The following SNAPC2 variants were observed in gnomAD, a reference collection of about 807,000 sequenced individuals.
SNAPC2 encodes small nuclear RNA activating complex polypeptide 2, also known as snRNA-activating protein complex subunit 2.
Under a neutral mutation model 22.9 loss-of-function variants are expected in SNAPC2, and 27 were observed. The observed-to-expected ratio is 1.18, with a 90% CI of 0.87 to 1.63. The LOEUF (loss-of-function observed/expected upper bound fraction) is 1.63. Ranked by LOEUF, SNAPC2 falls within the 40% of genes most tolerant of loss-of-function variation. SNAPC2 has a pLI of 0.00. For missense variants in SNAPC2, 570 were observed against 449.1 expected (o/e 1.27, Z -2.43); for synonymous variants, 272 against 201.0 (o/e 1.35, Z -2.99).
In SNAPC2 at chr19:7,922,041, A is replaced by G. The variant is rs929065703; in HGVS notation, c.379A>G (p.Thr127Ala). Residue 127 changes from threonine to alanine, a missense_variant, in exon 4 of 5, where the codon ACC (threonine) becomes GCC (alanine). Physicochemically the swap from Thr to Ala is moderately conservative, Grantham distance 58 (BLOSUM62 0). Transcript: ENST00000221573. ...TGATTGTTCTGCCTGCCAGGTGCTC[A>G]CCATCGCGGCCACGGAACCGGTCAC... is the stretch of plus-strand genomic sequence containing the variant. The part of the protein sequence containing the change: ...ALAVAFSQVL[T>A]IAATEPVTLL... The G allele has an allele frequency of 6.2e-7, 1 of 1,606,654 alleles. No individual in the cohort carries two copies. Among genetic ancestry groups the G allele is most frequent in the Non-Finnish European group, 8.5e-7 (1 of 1,175,134 alleles).
rs1983632026 is a variant in SNAPC2 at position 7,922,782 on chromosome 19, A to AG, written c.*20dup. The stretch of plus-strand genomic sequence containing the variant: ...CCAGGTGAGGGGCATGGCGGGCAGG[A>AG]GGCCACACCAGGCCCCCCGCCCTGC... On this transcript the variant is annotated 3_prime_UTR_variant, in exon 5 of 5. Transcript: ENST00000221573. 4.6e-6 allele frequency: 7 copies of AG among 1,530,014 alleles called. 1 individual carries two copies. The South Asian group carries it at 8.5e-5, about 19-fold the overall frequency. The allele number at this position is 1,530,014 out of a possible 1,614,324, so 94.8% of individuals were successfully genotyped here. A position where few individuals can be genotyped will look rare whatever the true frequency, so the allele number is the denominator to read the frequency against.
At chr19:7,920,594 TG>T in intron 1 of SNAPC2, 45 bp downstream of exon 1, 1 of 161,260 alleles carries the variant, frequency 6.2e-6, no homozygotes, top group South Asian at 1.5e-4. Context: ...GAGGCGGGGC[TG>T]GGGTGGGGCG....
At chr19:7,921,208 C>A in intron 1 of SNAPC2, 1 of 1,413,000 alleles carries the variant, frequency 7.1e-7, no homozygotes, top group Non-Finnish European at 9.3e-7. Flanking sequence ...CGTGAAGGAG[C>A]CGGAACTGGC....
intron 1 of SNAPC2, chr19:7,921,149 G>A: frequency 7.3e-7 from 1 of 1,376,338 alleles, no homozygotes; most frequent in Non-Finnish European, 9.4e-7. Flanking sequence ...AGGGGACGAA[G>A]AAGGGAGTTG....
rs1240452768 is a variant in SNAPC2, at chr19:7,922,231, C to T, written c.569C>T (p.Ser190Phe). Residue 190 changes from serine to phenylalanine, a missense_variant, in exon 4 of 5, where the codon TCT (serine) becomes TTT (phenylalanine). Coordinates refer to ENST00000221573, the MANE Select transcript of SNAPC2 (RefSeq NM_003083.4). ...CCTGACCCTGCCCCTGAGAAACCTT[C>T]TGAGTCGTCGGCTGGTCCCTCCACT... ...RTPDPAPEKP[S>F]ESSAGPSTEE... 2.5e-6 allele frequency: 4 copies of T among 1,614,126 alleles called. No homozygotes were observed. Among genetic ancestry groups the T allele is most frequent in the Admixed American group, 1.7e-5 (1 of 60,022 alleles).
chr19:7,922,673 A>G lies in SNAPC2; in HGVS notation c.914A>G (p.Lys305Arg), dbSNP rs1407973294. Residue 305 changes from lysine to arginine, a missense_variant, in exon 5 of 5, where the codon AAA becomes AGA. Transcript: ENST00000221573. ...GAGAAGGCCGAGCACAGCGAACTGA[A>G]ATCGCCTTGGCAAGCAGCTGGGATC... ...ATEKAEHSEL[K>R]SPWQAAGICP... 1 of 1,613,370 alleles carries G rather than the reference A, an allele frequency of 6.2e-7. No individual in the cohort carries two copies. Among genetic ancestry groups the G allele is most frequent in the Non-Finnish European group, 8.5e-7 (1 of 1,179,920 alleles).
intron 1 of SNAPC2, chr19:7,921,126 G>A: frequency 2.3e-6 from 3 of 1,329,330 alleles, no homozygotes; most frequent in Non-Finnish European, 2.9e-6. Context: ...TGAAGTGAGA[G>A]GGAATAGAGA....
chr19:7,922,405 C>T, intron 4 of SNAPC2, 40 bp from the exon 5 acceptor site: 2 of 1,585,296 alleles, frequency 1.3e-6, no homozygotes, highest in South Asian at 1.2e-5. Flanking sequence ...TGGCAGCAGG[C>T]AGGGGTGTCC....
In SNAPC2 at chr19:7,923,111, C is replaced by A. The variant is rs1004584633; in HGVS notation, c.*347C>A. 1.1e-5 allele frequency: 3 copies of A among 277,668 alleles called. No individual in the cohort carries two copies. Among genetic ancestry groups the A allele is most frequent in the Admixed American group, 5.3e-5 (1 of 18,966 alleles). 17.2% of individuals were successfully genotyped at this position (277,668 alleles called of 1,614,324 possible). On this transcript the variant is annotated 3_prime_UTR_variant, in exon 5 of 5. Coordinates refer to ENST00000221573, the MANE Select transcript of SNAPC2 (RefSeq NM_003083.4). The stretch of plus-strand genomic sequence containing the variant: ...CACCGTAAAGGCCCTCGCACATTTT[C>A]CCCCTTCCTGTACACCTCGGGGCCA...
intron 2 of SNAPC2, 81 bp downstream of exon 2, chr19:7,921,623 G>GA: frequency 5.0e-6 from 8 of 1,605,904 alleles, no homozygotes; most frequent in Middle Eastern, 1.7e-4. Flanking sequence ...AACCTGATTA[G>GA]GGGATCCCCA....
chr19:7,920,545 C>G lies in SNAPC2; in HGVS notation c.179C>G (p.Ala60Gly), dbSNP rs1195271537. ...CGGGAGCTGCGGGGCCGGAGCGAGG[C>G]TGAGGTGAGATGCGGTTCTCGGGAC... ...LARELRGRSEAEIRVFLQQLK... is the reference protein window; with the variant it reads ...LARELRGRSEGEIRVFLQQLK... Residue 60 changes from alanine (A) to glycine (G), a missense_variant, in exon 1 of 5, where the codon GCT becomes GGT. Coordinates refer to ENST00000221573, the MANE Select transcript of SNAPC2 (RefSeq NM_003083.4). 7.2e-7 allele frequency: 1 copy of G among 1,384,594 alleles called. No individual in the cohort carries two copies. The allele number at this position is 1,384,594 out of a possible 1,614,324, so 85.8% of individuals were successfully genotyped here.
Position 7,921,654 on chromosome 19 carries a change from G to A in SNAPC2, c.304-51G>A, listed in dbSNP as rs535660439. 3.0e-5 allele frequency: 49 copies of A among 1,607,786 alleles called. No individual in the cohort carries two copies. The South Asian group carries it at 5.0e-4, about 16-fold the overall frequency. ...CCCCAGGAGGAGCAGGGCTTGGGGG[G>A]CCATTGCAGGCTGATCCCTGGGCTG... On this transcript the variant is annotated intron_variant, in intron 2 of 4. Transcript: ENST00000221573.
chr19:7,921,043 G>A (rs1983550652), intron 1 of SNAPC2: 2 of 1,162,450 alleles, frequency 1.7e-6, no homozygotes, highest in Admixed American at 4.5e-5. Flanking sequence ...CTAAACGGGC[G>A]GAATGAACTG....
Position 7,920,568 on chromosome 19 carries a change from G to C in SNAPC2, c.183+19G>C. 8.4e-7 allele frequency: 1 copy of C among 1,183,880 alleles called. No individual in the cohort carries two copies. Among genetic ancestry groups the C allele is most frequent in the Non-Finnish European group, 1.1e-6 (1 of 914,744 alleles). 73.3% of individuals were successfully genotyped at this position (1,183,880 alleles called of 1,614,324 possible). A position where few individuals can be genotyped will look rare whatever the true frequency, so the allele number is the denominator to read the frequency against. On this transcript the variant is annotated intron_variant, in intron 1 of 4. Transcript: ENST00000221573. ...GGCTGAGGTGAGATGCGGTTCTCGG[G>C]ACCGGAGCCAGGCTGGAGGCGGGGC... is the stretch of plus-strand genomic sequence containing the variant.
intron 2 of SNAPC2, 73 bp downstream of exon 2, chr19:7,921,615 C>A (rs1983574300): frequency 6.2e-7 from 1 of 1,604,326 alleles, no homozygotes; most frequent in African/African-American, 1.3e-5. Flanking sequence ...CGGGGGATAA[C>A]CTGATTAGGG....
rs980942238 is a variant in SNAPC2, at chr19:7,920,981, C to T, written c.183+432C>T. The T allele has an allele frequency of 1.1e-5, 12 of 1,120,746 alleles. No homozygotes were observed. In the African/African-American group the frequency reaches 2.0e-4, roughly 19 times the overall value. 69.4% of individuals were successfully genotyped at this position (1,120,746 alleles called of 1,614,324 possible). On this transcript the variant is annotated intron_variant, in intron 1 of 4. Coordinates refer to ENST00000221573, the MANE Select transcript of SNAPC2 (RefSeq NM_003083.4). ...GGGAGGGGCGTGGGCGGGATGAGGG[C>T]AAGCTTTAAAGGCGGGGCGAGCCTC...
Position 7,922,240 on chromosome 19 carries a change from C to T in SNAPC2, c.578C>T (p.Ser193Leu), listed in dbSNP as rs201531431. 5.6e-5 allele frequency: 91 copies of T among 1,613,998 alleles called. No homozygotes were observed. Among genetic ancestry groups the T allele is most frequent in the Admixed American group, 1.0e-4 (6 of 60,002 alleles). ...DPAPEKPSES[S>L]AGPSTEEDFA... ...GCCCCTGAGAAACCTTCTGAGTCGT[C>T]GGCTGGTCCCTCCACTGAAGAAGAC... is the stretch of plus-strand genomic sequence containing the variant. Residue 193 changes from serine (S) to leucine (L), a missense_variant, in exon 4 of 5, where the codon TCG becomes TTG. Transcript: ENST00000221573.
chr19:7,921,045 A>G (rs2090804578), intron 1 of SNAPC2: 3 of 1,164,430 alleles, frequency 2.6e-6, no homozygotes, highest in Middle Eastern at 3.7e-4. Context: ...AAACGGGCGG[A>G]ATGAACTGGG....
intron 1 of SNAPC2, chr19:7,920,754 G>C: frequency 2.0e-6 from 1 of 509,424 alleles, no homozygotes; most frequent in Non-Finnish European, 3.3e-6. Flanking sequence ...AGAAGACCTA[G>C]GGGCGGGGCG....
Sources: gnomAD v4.1 joint callset for allele counts on GRCh38, gnomAD v4.1.1 for gene constraint, MANE v1.5 for transcripts, NCBI Gene and HGNC (gene_info 2026-07-23, HGNC 2026-07-21) for gene names.